The following MAGI2 variants were observed in gnomAD, a reference collection of about 807,000 sequenced individuals.
MAGI2 encodes the protein membrane-associated guanylate kinase, WW and PDZ domain-containing protein 2.
In MAGI2, 35 loss-of-function variants were observed where a neutral mutation model predicts 133.3. The ratio of observed to expected loss-of-function variants is 0.26; its 90% confidence interval spans 0.20 to 0.35. MAGI2 has a LOEUF of 0.35. MAGI2 is among the 10% of genes least tolerant of loss of function. The probability of loss-of-function intolerance (pLI) is 1.00; values close to 1 mark genes in which losing one functional copy is unlikely to be tolerated. For missense variants in MAGI2, 1,636 were observed against 1,863.4 expected, an observed-to-expected ratio of 0.88 and a Z score of 2.25; for synonymous variants, 729 against 710.6, an observed-to-expected ratio of 1.03 and a Z score of -0.41.
intron 10 of MAGI2, among the ~76,000 whole-genome samples, chr7:78,233,772 G>A (rs13231799): frequency 0.29 from 44,370 of 152,068 alleles, 7,545 homozygotes; most frequent in Non-Finnish European, 0.37. Context: ...TTCCCTGAGT[G>A]ACTAAGAGTG....
At chr7:79,328,085 T>C (rs532803342) in intron 1 of MAGI2, among the ~76,000 whole-genome samples, 1 of 152,290 alleles carries the variant, frequency 6.6e-6, no homozygotes, top group South Asian at 2.1e-4. Context: ...AAAATATCAA[T>C]GTGTAACTAT....
chr7:78,564,862 C>T (rs1247571225), intron 3 of MAGI2, among the ~76,000 whole-genome samples: 12 of 123,634 alleles, frequency 9.7e-5, no homozygotes, highest in African/African-American at 3.7e-4. Context: ...GGCAGGATCT[C>T]TGCTCACTGC....
chr7:78,047,498 C>G (rs1202056761), intron 21 of MAGI2, among the ~76,000 whole-genome samples: 1 of 152,184 alleles, frequency 6.6e-6, no homozygotes, highest in Non-Finnish European at 1.5e-5. Flanking sequence ...CACATCTCTC[C>G]TCTGCCAGCA....
chr7:78,210,363 C>T (rs996742269), intron 10 of MAGI2, among the ~76,000 whole-genome samples: 13 of 151,956 alleles, frequency 8.6e-5, no homozygotes, highest in African/African-American at 2.2e-4. Flanking sequence ...TGATGAGTCC[C>T]GGAGATTTGC....
chr7:78,988,250 A>G (rs1447790615), intron 2 of MAGI2, among the ~76,000 whole-genome samples: 2 of 152,080 alleles, frequency 1.3e-5, no homozygotes, highest in Non-Finnish European at 2.9e-5. Context: ...CAAAGCCACA[A>G]ATTAGAGAGG....
chr7:78,208,014 C>T (rs370891449), intron 10 of MAGI2, among the ~76,000 whole-genome samples: 1 of 151,930 alleles, frequency 6.6e-6, no homozygotes, highest in Non-Finnish European at 1.5e-5. Flanking sequence ...GGATTACAGG[C>T]GCCCACCACC....
intron 2 of MAGI2, among the ~76,000 whole-genome samples, chr7:78,958,999 A>T (rs1317682960): frequency 1.3e-5 from 2 of 152,052 alleles, no homozygotes; most frequent in East Asian, 3.9e-4. Flanking sequence ...GGTGCCTCTG[A>T]GCTTCATACT....
intron 1 of MAGI2, among the ~76,000 whole-genome samples, chr7:79,136,525 C>T (rs1045521054): frequency 1.3e-5 from 2 of 152,180 alleles, no homozygotes; most frequent in Admixed American, 6.5e-5. Flanking sequence ...TCTTTTCAGA[C>T]ACTAGTCAAT....
intron 1 of MAGI2, among the ~76,000 whole-genome samples, chr7:79,048,132 C>A (rs1812348416): frequency 1.3e-5 from 2 of 152,094 alleles, no homozygotes; most frequent in African/African-American, 4.8e-5. Flanking sequence ...CTTAGCACTT[C>A]CATTGTGATT....
chr7:79,154,727 A>G (rs1823596573), intron 1 of MAGI2, among the ~76,000 whole-genome samples: 1 of 152,134 alleles, frequency 6.6e-6, no homozygotes. Context: ...CTTGTTGAAT[A>G]TTTAGCCTGG....
rs1306644266 is a variant in MAGI2 at position 78,965,241 on chromosome 7, G to GAATAAAATTAATTT, written c.418+41835_418+41848dup. ...ACATATATTATCAATGTATGATAAAGAATAAAATTAATTTAATAAAATTAA... is the reference window on the plus strand; with the variant it reads ...ACATATATTATCAATGTATGATAAAGAATAAAATTAATTTAATAAAATTAATTTAATAAAATTAA... On this transcript the variant is annotated intron_variant, in intron 2 of 21. Transcript: ENST00000354212. Among the ~76,000 whole-genome samples, 4 of 151,338 alleles carry GAATAAAATTAATTT rather than the reference G, an allele frequency of 2.6e-5. No homozygotes were observed. In the East Asian group the frequency reaches 7.8e-4, roughly 29 times the overall value.
At position 78,600,885 on chromosome 7, in the gene MAGI2, T is replaced by A. The variant is rs774028353; in HGVS notation, c.538+26235A>T. On this transcript the variant is annotated intron_variant, in intron 3 of 21. Coordinates refer to ENST00000354212, the MANE Select transcript of MAGI2 (RefSeq NM_012301.4). Reference sequence around the variant, plus strand: ...TTAAAATGTGAACTGTATTTCAGAATAAATTGCTAAGGAAGTTGAAAATGA... The same window carrying A: ...TTAAAATGTGAACTGTATTTCAGAAAAAATTGCTAAGGAAGTTGAAAATGA... Among the ~76,000 whole-genome samples, 19 of 152,304 alleles carry A rather than the reference T, an allele frequency of 1.2e-4. No homozygotes were observed. The Middle Eastern group carries it at 0.014, about 109-fold the overall frequency.
chr7:78,490,294 T>A (rs1793482242), intron 5 of MAGI2, among the ~76,000 whole-genome samples: 1 of 152,068 alleles, frequency 6.6e-6, no homozygotes, highest in South Asian at 2.1e-4. Flanking sequence ...AGTACAAAAG[T>A]GATGCAGATT....
At chr7:79,434,840 T>C (rs1382235239) in intron 1 of MAGI2, among the ~76,000 whole-genome samples, 1 of 152,228 alleles carries the variant, frequency 6.6e-6, no homozygotes, top group Non-Finnish European at 1.5e-5. Flanking sequence ...TAATTTGATA[T>C]ACTGAATAAA....
At chr7:78,245,839 G>A (rs944244390) in intron 10 of MAGI2, among the ~76,000 whole-genome samples, 6 of 152,112 alleles carry the variant, frequency 3.9e-5, no homozygotes, top group Non-Finnish European at 7.4e-5. Flanking sequence ...AAGCCGACAC[G>A]GTGCCTTGCC....
At chr7:79,044,012 G>T (rs1401974504) in intron 1 of MAGI2, among the ~76,000 whole-genome samples, 1 of 152,122 alleles carries the variant, frequency 6.6e-6, no homozygotes, top group Non-Finnish European at 1.5e-5. Flanking sequence ...AGAAGAGATG[G>T]TATCAATCCT....
chr7:78,310,796 G>C (rs1156936396), intron 9 of MAGI2, among the ~76,000 whole-genome samples: 1 of 152,122 alleles, frequency 6.6e-6, no homozygotes, highest in Non-Finnish European at 1.5e-5. Flanking sequence ...CAATAAAAAA[G>C]GGTCACTTGA....
intron 2 of MAGI2, among the ~76,000 whole-genome samples, chr7:78,641,292 A>G (rs528968922): frequency 3.9e-5 from 6 of 152,188 alleles, no homozygotes; most frequent in Non-Finnish European, 7.4e-5. Flanking sequence ...TTATCTCCCC[A>G]TTTAGATCCA....
At chr7:78,652,996 G>C (rs927046317) in intron 2 of MAGI2, among the ~76,000 whole-genome samples, 2 of 151,364 alleles carry the variant, frequency 1.3e-5, no homozygotes, top group African/African-American at 4.8e-5. Context: ...ACACTTCTCA[G>C]AGGAAGACAT....
Sources: allele counts gnomAD v4.1 joint callset (sites outside exome capture counted in the v4.1 genomes callset), GRCh38; gene constraint gnomAD v4.1.1; transcripts MANE v1.5; gene names NCBI Gene and HGNC (gene_info 2026-07-23, HGNC 2026-07-21).